Variants in LAMA4 observed in about 807,000 individuals in gnomAD.
LAMA4 encodes laminin subunit alpha 4.
LAMA4 carries 127 observed loss-of-function variants against 207.1 expected under a neutral mutation model. The ratio of observed to expected loss-of-function variants is 0.61; its 90% CI spans 0.53 to 0.71. LAMA4 has a LOEUF of 0.71. Among genes scored for constraint, LAMA4 ranks in the 30% least tolerant of loss-of-function variants. LAMA4 has a pLI of 0.00. For synonymous variants in LAMA4, 761 were observed against 816.0 expected, an observed-to-expected ratio of 0.93 and a Z score of 1.15; for missense variants, 2,093 against 2,246.5, an observed-to-expected ratio of 0.93 and a Z score of 1.38.
At chr6:112,113,102 A>G (rs1777802329) in intron 38 of LAMA4, among the ~76,000 whole-genome samples, 1 of 152,232 alleles carries the variant, frequency 6.6e-6, no homozygotes, top group Non-Finnish European at 1.5e-5. Context: ...CTAGAATTTC[A>G]TAGTACAATA....
At chr6:112,136,674 A>G (rs1354990264) in intron 24 of LAMA4, among the ~76,000 whole-genome samples, 1 of 148,104 alleles carries the variant, frequency 6.8e-6, no homozygotes, top group Non-Finnish European at 1.5e-5. Flanking sequence ...CCTGGGCTAC[A>G]GAACGAGACT....
At chr6:112,201,929 G>A (rs1554352612) in intron 4 of LAMA4, among the ~76,000 whole-genome samples, 1 of 152,098 alleles carries the variant, frequency 6.6e-6, no homozygotes, top group Non-Finnish European at 1.5e-5. Flanking sequence ...TCAAGCACTA[G>A]TCCAAAACAT....
In LAMA4 at chr6:112,231,131, C is replaced by T. The variant is rs142499641; in HGVS notation, c.196-14662G>A. ...TCCCTGGAATACCCGGGATAAAAGT[C>T]ATCTCTGTTCAAGTTTATCAAATTT... On this transcript the variant is annotated intron_variant, in intron 2 of 38. Coordinates refer to ENST00000230538, the MANE Select transcript of LAMA4 (RefSeq NM_001105206.3). Among the ~76,000 whole-genome samples the T allele has an allele frequency of 1.1e-3, 170 of 152,338 alleles. 3 individuals carry two copies. The East Asian group carries it at 0.03, about 27-fold the overall frequency.
At chr6:112,224,683 G>A (rs1164287111) in intron 2 of LAMA4, among the ~76,000 whole-genome samples, 1 of 152,034 alleles carries the variant, frequency 6.6e-6, no homozygotes, top group African/African-American at 2.4e-5. Context: ...AGTGGTAGAG[G>A]TGTTTGCCTG....
chr6:112,132,892 T>C lies in LAMA4; in HGVS notation c.3697-2A>G, dbSNP rs1554330352. 4 of 1,612,788 alleles carry C rather than the reference T, an allele frequency of 2.5e-6. No individual in the cohort carries two copies. The highest frequency in any genetic ancestry group is 3.4e-6 in the Non-Finnish European group (4 of 1,179,164). ...ATTGAAATATGCTCTGCGAGATATC[T>C]GTGTGCCAGAACAAGTGGAGATAGT... On this transcript the variant is annotated splice_acceptor_variant, in intron 27 of 38. Coordinates refer to ENST00000230538, the MANE Select transcript of LAMA4 (RefSeq NM_001105206.3). LOFTEE classifies it high-confidence loss of function.
At chr6:112,183,004 G>A (rs1782457172) in intron 9 of LAMA4, among the ~76,000 whole-genome samples, 1 of 152,156 alleles carries the variant, frequency 6.6e-6, no homozygotes, top group African/African-American at 2.4e-5. Context: ...GTAGAAGGCT[G>A]GAGAATTTAG....
chr6:112,238,464 CT>C (rs1380087767), intron 2 of LAMA4, among the ~76,000 whole-genome samples: 1 of 151,992 alleles, frequency 6.6e-6, no homozygotes, highest in Middle Eastern at 3.2e-3. Context: ...AATTCCAGCA[CT>C]TTGGGAGGCC....
chr6:112,169,847 A>G (rs1346315526), intron 12 of LAMA4, among the ~76,000 whole-genome samples: 3 of 152,238 alleles, frequency 2.0e-5, no homozygotes, highest in African/African-American at 7.2e-5. Context: ...TTTAGAACTG[A>G]AGTCTCTTCA....
intron 14 of LAMA4, among the ~76,000 whole-genome samples, chr6:112,157,279 T>TGA (rs1554337229): frequency 6.6e-6 from 1 of 151,636 alleles, no homozygotes; most frequent in Non-Finnish European, 1.5e-5. Flanking sequence ...TGGTAAGATG[T>TGA]ACCAAAGATC....
chr6:112,199,450 C>G (rs1435793426), intron 5 of LAMA4, among the ~76,000 whole-genome samples: 1 of 152,102 alleles, frequency 6.6e-6, no homozygotes, highest in South Asian at 2.1e-4. Flanking sequence ...GATTAACAAC[C>G]GCCACAGACC....
At chr6:112,243,847 C>T (rs572176605) in intron 2 of LAMA4, among the ~76,000 whole-genome samples, 107 of 152,044 alleles carry the variant, frequency 7.0e-4, no homozygotes, top group Non-Finnish European at 1.3e-3. Context: ...TGCCTGAGGT[C>T]GGGAGTTCAA....
intron 4 of LAMA4, among the ~76,000 whole-genome samples, chr6:112,202,736 C>T (rs528979495): frequency 7.1e-4 from 108 of 152,312 alleles, no homozygotes; most frequent in African/African-American, 2.5e-3. Context: ...ATTTCTTTGG[C>T]CTTTTACCCT....
chr6:112,173,543 C>T (rs1202448468), intron 11 of LAMA4, among the ~76,000 whole-genome samples: 1 of 152,190 alleles, frequency 6.6e-6, no homozygotes, highest in Non-Finnish European at 1.5e-5. Flanking sequence ...GGTCCCACTT[C>T]TCCAGGGAAG....
In LAMA4 at chr6:112,234,941, C is replaced by T. The variant is rs7765107; in HGVS notation, c.196-18472G>A. ...ATATCTTCGGATATCCAAATATCTT[C>T]GGATAATACTCATAAAGATGATTAC... On this transcript the variant is annotated intron_variant, in intron 2 of 38. Coordinates refer to ENST00000230538, the MANE Select transcript of LAMA4 (RefSeq NM_001105206.3). Among the ~76,000 whole-genome samples the T allele has an allele frequency of 4.0e-3, 606 of 152,236 alleles. 7 individuals carry two copies. The highest frequency in any genetic ancestry group is 0.013 in the African/African-American group (531 of 41,546).
At chr6:112,113,668 C>T (rs1263125127) in intron 38 of LAMA4, among the ~76,000 whole-genome samples, 12 of 152,078 alleles carry the variant, frequency 7.9e-5, no homozygotes, top group East Asian at 1.9e-4. Flanking sequence ...AATCATGGAC[C>T]GAACTGTGCA....
In LAMA4 at chr6:112,189,216, C is replaced by A. The variant is rs1554347746; in HGVS notation, c.719-11G>T. On this transcript the variant is annotated splice_polypyrimidine_tract_variant and intron_variant, in intron 6 of 38. Transcript: ENST00000230538. ...CCCCGCAGTTGCACACTGTGGGAAA[C>A]AAAAACAAGAGACGAGAAATGCACT... 6.2e-7 allele frequency: 1 copy of A among 1,601,996 alleles called. No individual in the cohort carries two copies. The highest frequency in any genetic ancestry group is 1.1e-5 in the South Asian group (1 of 90,826).
At chr6:112,144,029 C>A (rs1554333933) in intron 19 of LAMA4, among the ~76,000 whole-genome samples, 1 of 152,178 alleles carries the variant, frequency 6.6e-6, no homozygotes, top group East Asian at 1.9e-4. Flanking sequence ...CAGTAGTCTG[C>A]TCAGGCCGAT....
At chr6:112,163,214 A>C (rs1207972525) in intron 13 of LAMA4, among the ~76,000 whole-genome samples, 1 of 152,118 alleles carries the variant, frequency 6.6e-6, no homozygotes, top group African/African-American at 2.4e-5. Flanking sequence ...TCCTGGGTTC[A>C]AGCACTTTCC....
intron 2 of LAMA4, among the ~76,000 whole-genome samples, chr6:112,232,634 C>G (rs993249797): frequency 1.3e-5 from 2 of 152,108 alleles, no homozygotes; most frequent in Non-Finnish European, 2.9e-5. Flanking sequence ...CCCCAGATAA[C>G]TGTTGTGATC....
Sources: gnomAD v4.1 joint callset for allele counts (sites outside exome capture counted in the v4.1 genomes callset) on GRCh38, gnomAD v4.1.1 for gene constraint, MANE v1.5 for transcripts, NCBI Gene and HGNC (gene_info 2026-07-23, HGNC 2026-07-21) for gene names.